The following RYR1 variants were observed in gnomAD, a reference collection of about 807,000 sequenced individuals.
RYR1 encodes the protein ryanodine receptor 1.
In RYR1, 342 loss-of-function variants were observed where a neutral mutation model predicts 583.5. The observed-to-expected ratio is 0.59, with a 90% CI of 0.54 to 0.64. The LOEUF is 0.64. Among genes scored for constraint, RYR1 ranks in the 30% least tolerant of loss-of-function variants. RYR1 has a pLI of 0.00. For synonymous variants in RYR1, 2,791 were observed against 2,822.5 expected (o/e 0.99, Z 0.35); for missense variants, 6,032 against 6,917.2 (o/e 0.87, Z 4.54).
chr19:38,536,739 G>T lies in RYR1; in HGVS notation c.11591-11G>T. On this transcript the variant is annotated splice_polypyrimidine_tract_variant and intron_variant, in intron 82 of 105. Transcript: ENST00000359596. ...TCCTGCTTCCTCCTCCCATCCTGTT[G>T]GCTGCCCCAGTCATCAATCGCCAGA... is the stretch of plus-strand genomic sequence containing the variant. The T allele has an allele frequency of 6.2e-7, 1 of 1,613,280 alleles. No individual in the cohort carries two copies. The highest frequency in any genetic ancestry group is 8.5e-7 in the Non-Finnish European group (1 of 1,179,834).
intron 84 of RYR1, among the ~76,000 whole-genome samples, chr19:38,542,633 C>G (rs1322673962): frequency 6.6e-6 from 1 of 152,032 alleles, no homozygotes; most frequent in Admixed American, 6.6e-5. Context: ...ATTCTCCTGC[C>G]TCAGCCTCCC....
chr19:38,580,208 C>A, intron 100 of RYR1, 80 bp downstream of exon 100: 2 of 1,606,524 alleles, frequency 1.2e-6, no homozygotes, highest in Non-Finnish European at 8.5e-7. Context: ...AAGGGCCGGG[C>A]AGCTGGGCTG....
Position 38,490,832 on chromosome 19 carries a change from G to A in RYR1, c.6127+100G>A. ...TTCCTGACAACCCTCTACAGTATCG[G>A]TGCTATGTAACTATTGGTTGAATGA... On this transcript the variant is annotated intron_variant, in intron 37 of 105. Transcript: ENST00000359596. 5 of 772,928 alleles carry A rather than the reference G, an allele frequency of 6.5e-6. No homozygotes were observed. In the South Asian group the frequency reaches 7.0e-5, roughly 11 times the overall value. The allele number at this position is 772,928 out of a possible 1,614,324, so 47.9% of individuals were successfully genotyped here.
At chr19:38,527,150 A>T (rs1008297942) in intron 72 of RYR1, 98 bp downstream of exon 72, 4 of 1,351,408 alleles carry the variant, frequency 3.0e-6, no homozygotes, top group Non-Finnish European at 4.1e-6. Flanking sequence ...GCATTGAAGA[A>T]AGACCTCAAA....
chr19:38,468,172 T>C (rs1485157356), intron 25 of RYR1, among the ~76,000 whole-genome samples: 1 of 146,516 alleles, frequency 6.8e-6, no homozygotes, highest in Non-Finnish European at 1.5e-5. Context: ...AATAAAAAAA[T>C]TAGCTAGGCA....
Position 38,587,329 on chromosome 19 carries a change from C to T in RYR1, c.15026C>T (p.Ser5009Phe), listed in dbSNP as rs767069768. Reference protein sequence around the residue: ...KDETEHTGQESYVWKMYQERC... With the variant: ...KDETEHTGQEFYVWKMYQERC... ...TCTTTCTATCCCCAATCCTAGGAGT[C>T]TTATGTCTGGAAGATGTACCAAGAG... The change falls in exon 106 of 106, where the codon TCT (serine) becomes TTT (phenylalanine). Residue 5009 changes from serine (S) to phenylalanine (F), a missense_variant. Ser to Phe is a radical substitution (Grantham distance 155). Around this residue, in one of 11 missense-constraint regions of RYR1, gnomAD observed 189 missense variants for 350.3 expected, o/e 0.54. Transcript: ENST00000359596. The T allele has an allele frequency of 2.5e-6, 4 of 1,612,048 alleles. No homozygotes were observed. The highest frequency in any genetic ancestry group is 3.4e-6 in the Non-Finnish European group (4 of 1,178,202).
intron 2 of RYR1, among the ~76,000 whole-genome samples, 157 bp from the exon 3 acceptor site, chr19:38,442,192 G>C (rs1972719072): frequency 6.6e-6 from 1 of 151,330 alleles, no homozygotes; most frequent in Non-Finnish European, 1.5e-5. Flanking sequence ...GTGTGTCTGA[G>C]GGGGATGGCA....
At position 38,512,359 on chromosome 19, in the gene RYR1, G is replaced by C. The variant is rs763655831; in HGVS notation, c.9348G>C (p.Ser3116=). 4 of 1,614,120 alleles carry C rather than the reference G, an allele frequency of 2.5e-6. No individual in the cohort carries two copies. In the South Asian group the frequency reaches 4.4e-5, roughly 18 times the overall value. Residue 3116 remains serine (S), a synonymous_variant, in exon 63 of 106, where the codon TCG becomes TCC. Coordinates refer to ENST00000359596, the MANE Select transcript of RYR1 (RefSeq NM_000540.3). This position sits in a 1 kb window ranked among gnomAD's most constrained non-coding sequence, Gnocchi z 5.1. ...MVENLRLGKV[S]QARTQVKGVG... ...AGAACCTGCGGCTGGGCAAGGTGTC[G>C]CAGGCGCGCACCCAGGTGAAAGGCG...
chr19:38,486,342 T>C lies in RYR1; in HGVS notation c.5547+140T>C, dbSNP rs1380002432. 3.6e-6 allele frequency: 4 copies of C among 1,115,248 alleles called. No homozygotes were observed. In the East Asian group the frequency reaches 9.5e-5, roughly 26 times the overall value. 69.1% of individuals were successfully genotyped at this position (1,115,248 alleles called of 1,614,324 possible). A position where few individuals can be genotyped will look rare whatever the true frequency, so the allele number is the denominator to read the frequency against. Reference sequence around the variant, plus strand: ...TCCTCTATACATCCATCCACCTTTCTTTTTATTATTATTATTTTTTCGAGA... The same window carrying C: ...TCCTCTATACATCCATCCACCTTTCCTTTTATTATTATTATTTTTTCGAGA... On this transcript the variant is annotated intron_variant, in intron 34 of 105. Transcript: ENST00000359596.
Position 38,561,182 on chromosome 19 carries a change from G to A in RYR1, c.12352G>A (p.Glu4118Lys). Reference sequence around the variant, plus strand: ...CCTGCTTTCGTGCTCCGAAGCGGATGAGAACGAAATGATCAACTGCGAAGA... The same window carrying A: ...CCTGCTTTCGTGCTCCGAAGCGGATAAGAACGAAATGATCAACTGCGAAGA... Reference protein sequence around the residue: ...QFLLSCSEADENEMINCEEFA... With the variant: ...QFLLSCSEADKNEMINCEEFA... Residue 4118 changes from glutamate (E) to lysine (K), a missense_variant, in exon 90 of 106, where the codon GAG (glutamate) becomes AAG (lysine). Physicochemically the swap from Glu to Lys is moderately conservative, Grantham distance 56. Transcript: ENST00000359596. This position sits in a 1 kb window ranked among gnomAD's most constrained non-coding sequence, Gnocchi z 4.8. 6.2e-7 allele frequency: 1 copy of A among 1,614,226 alleles called. No homozygotes were observed. Among genetic ancestry groups the A allele is most frequent in the Non-Finnish European group, 8.5e-7 (1 of 1,180,038 alleles).
At chr19:38,436,430 A>G (rs1476311133) in intron 1 of RYR1, among the ~76,000 whole-genome samples, 1 of 151,830 alleles carries the variant, frequency 6.6e-6, no homozygotes, top group Admixed American at 6.6e-5. Flanking sequence ...GCTGGTGTCA[A>G]ACTCCTGGGC....
At chr19:38,464,522 G>A (rs765377911) in intron 22 of RYR1, 117 bp from the exon 23 acceptor site, 85 of 783,230 alleles carry the variant, frequency 1.1e-4, no homozygotes, top group Middle Eastern at 3.4e-4. Flanking sequence ...GGGCCAGAGC[G>A]CCCCAGGCAC....
At chr19:38,569,608 G>A (rs144817556) in intron 93 of RYR1, among the ~76,000 whole-genome samples, 3 of 152,172 alleles carry the variant, frequency 2.0e-5, no homozygotes, top group East Asian at 1.9e-4. Context: ...CGACAGGTGG[G>A]GTGACCTCAC....
intron 78 of RYR1, among the ~76,000 whole-genome samples, chr19:38,533,424 G>T (rs940726251): frequency 6.6e-6 from 1 of 152,162 alleles, no homozygotes; most frequent in Non-Finnish European, 1.5e-5. Context: ...GAGGAAACAA[G>T]TATTGAATAG....
intron 55 of RYR1, 42 bp downstream of exon 55, chr19:38,506,419 G>C (rs752780360): frequency 5.6e-6 from 9 of 1,613,376 alleles, no homozygotes; most frequent in Non-Finnish European, 7.6e-6. Context: ...GGGTGTCTTT[G>C]GGGGGGCTGG....
At chr19:38,523,774 A>G (rs1971331453) in intron 69 of RYR1, 141 bp from the exon 70 acceptor site, 1 of 1,075,890 alleles carries the variant, frequency 9.3e-7, no homozygotes, top group African/African-American at 1.6e-5. Context: ...ACCCCGAGCC[A>G]AGGCCTGGAA....
chr19:38,502,599 T>C lies in RYR1; in HGVS notation c.7707T>C (p.Phe2569=), dbSNP rs368416757. The change falls in exon 48 of 106, where the codon TTT becomes TTC. Residue 2569 remains phenylalanine (F), a synonymous_variant. Coordinates refer to ENST00000359596, the MANE Select transcript of RYR1 (RefSeq NM_000540.3). ...TCATCACCAAGTGTGCGCCGCTCTT[T>C]GCGGGCACAGAACACCGCGCCATCA... ...LPLITKCAPL[F]AGTEHRAIMV... is the part of the protein sequence containing the mutation. The C allele has an allele frequency of 6.2e-7, 1 of 1,612,662 alleles. No homozygotes were observed.
chr19:38,443,399 G>A (rs938338915), intron 3 of RYR1, among the ~76,000 whole-genome samples, 159 bp from the exon 4 acceptor site: 2 of 152,176 alleles, frequency 1.3e-5, no homozygotes, highest in Non-Finnish European at 2.9e-5. Context: ...AACTGAGGCA[G>A]AGAGTCCTGC....
At chr19:38,509,584 T>C (rs1174681466) in intron 58 of RYR1, among the ~76,000 whole-genome samples, 2 of 151,808 alleles carry the variant, frequency 1.3e-5, no homozygotes, top group East Asian at 3.9e-4. Flanking sequence ...CCCGAGTAGC[T>C]GGGACTACAG....
Sources: allele counts gnomAD v4.1 joint callset (sites outside exome capture counted in the v4.1 genomes callset), GRCh38; gene constraint gnomAD v4.1.1; regional missense constraint gnomAD v4.1.1; non-coding constraint Gnocchi (gnomAD v3.1); transcripts MANE v1.5; gene names NCBI Gene and HGNC (gene_info 2026-07-23, HGNC 2026-07-21).